The following CDH13 variants were observed in gnomAD, a reference collection of about 807,000 sequenced individuals.
CDH13 encodes cadherin-13.
In CDH13, 24 loss-of-function variants were observed where a neutral mutation model predicts 63.8. That is an observed-to-expected ratio of 0.38 (90% CI 0.27 to 0.53). The LOEUF (loss-of-function observed/expected upper bound fraction) is 0.53, where lower values mean the gene tolerates loss of function less well. Among genes scored for constraint, CDH13 ranks in the 20% least tolerant of loss-of-function variants. CDH13 has a pLI of 0.85. For missense variants in CDH13, 1,049 were observed against 903.1 expected (o/e 1.16, Z -2.07); for synonymous variants, 503 against 355.3 (o/e 1.42, Z -4.67).
rs997974738 is a variant in CDH13, at chr16:82,819,292, G to T, written c.46-39070G>T. Among the ~76,000 whole-genome samples, 74 of 152,176 alleles carry T rather than the reference G, an allele frequency of 4.9e-4. 2 individuals carry two copies. The highest frequency in any genetic ancestry group is 5.9e-5 in the Non-Finnish European group (4 of 68,024). ...AAGGCATATTTCAAGTAACTTTCCA[G>T]ATAAAGGAGGTATTGAACCTTTTCA... On this transcript the variant is annotated intron_variant, in intron 1 of 13. Coordinates refer to ENST00000567109, the MANE Select transcript of CDH13 (RefSeq NM_001257.5).
At chr16:83,207,329 C>G (rs554847759) in intron 4 of CDH13, among the ~76,000 whole-genome samples, 3 of 152,320 alleles carry the variant, frequency 2.0e-5, no homozygotes, top group Admixed American at 6.5e-5. Flanking sequence ...TGGAATCAGA[C>G]AATATCTGTT....
In CDH13 at chr16:83,198,026, A is replaced by T. The variant is rs149363886; in HGVS notation, c.484-19319A>T. Among the ~76,000 whole-genome samples the T allele has an allele frequency of 2.8e-3, 425 of 152,332 alleles. 1 individual carries two copies. In the Middle Eastern group the frequency reaches 0.034, roughly 12 times the overall value. ...AAAGTCAATTAAAATATGTTTATGC[A>T]GTTGTATGCATTTAAAAGACTAGAA... On this transcript the variant is annotated intron_variant, in intron 4 of 13. Transcript: ENST00000567109.
intron 4 of CDH13, among the ~76,000 whole-genome samples, chr16:83,153,646 G>C (rs996526227): frequency 7.9e-5 from 12 of 152,180 alleles, no homozygotes; most frequent in African/African-American, 2.9e-4. Context: ...TGTTTTCACT[G>C]TCTCAGTCAT....
chr16:83,023,846 T>C (rs1915567462), intron 2 of CDH13, among the ~76,000 whole-genome samples: 1 of 152,212 alleles, frequency 6.6e-6, no homozygotes, highest in Non-Finnish European at 1.5e-5. Flanking sequence ...GAATGTAGAG[T>C]CTGTTTTCTC....
At chr16:82,810,227 A>T (rs2037373735) in intron 1 of CDH13, among the ~76,000 whole-genome samples, 1 of 152,204 alleles carries the variant, frequency 6.6e-6, no homozygotes, top group Non-Finnish European at 1.5e-5. Flanking sequence ...CAACAAAAGA[A>T]TAACCTGCAA....
chr16:83,496,750 C>T (rs943377149), intron 7 of CDH13, among the ~76,000 whole-genome samples: 15 of 152,024 alleles, frequency 9.9e-5, no homozygotes, highest in Admixed American at 2.0e-4. Flanking sequence ...AAAATTTTCG[C>T]AACATACTCA....
chr16:82,821,091 C>G (rs725515), intron 1 of CDH13, among the ~76,000 whole-genome samples: 69,497 of 151,864 alleles, frequency 0.46, 17,242 homozygotes, highest in East Asian at 0.9. Flanking sequence ...CCTGTGGAAG[C>G]TTGCAAACTG....
chr16:83,429,953 C>A (rs1372163789), intron 6 of CDH13, among the ~76,000 whole-genome samples: 1 of 152,138 alleles, frequency 6.6e-6, no homozygotes, highest in East Asian at 1.9e-4. Flanking sequence ...CCTCATTTCC[C>A]CTCCCTTCAG....
intron 1 of CDH13, among the ~76,000 whole-genome samples, chr16:82,660,643 T>G (rs1039031757): frequency 6.6e-6 from 1 of 152,168 alleles, no homozygotes; most frequent in African/African-American, 2.4e-5. Flanking sequence ...TTAAGCCCTT[T>G]CACTGTATAC....
chr16:83,389,654 T>G (rs979108664), intron 6 of CDH13, among the ~76,000 whole-genome samples: 3 of 152,264 alleles, frequency 2.0e-5, no homozygotes, highest in African/African-American at 7.2e-5. Context: ...TGGTGTCACA[T>G]AGCTTGTTGC....
chr16:83,056,375 G>A lies in CDH13; in HGVS notation c.366+24157G>A, dbSNP rs112010086. ...AAGTCCAGAATAACACTTTGTAATA[G>A]CTAAAAACTGGAAACAACTCAAAAG... On this transcript the variant is annotated intron_variant, in intron 3 of 13. Transcript: ENST00000567109. Among the ~76,000 whole-genome samples the A allele has an allele frequency of 1.6e-3, 242 of 151,886 alleles. 1 individual carries two copies. Among genetic ancestry groups the A allele is most frequent in the African/African-American group, 5.6e-3 (231 of 41,432 alleles).
At chr16:83,246,319 C>T (rs560701222) in intron 5 of CDH13, among the ~76,000 whole-genome samples, 1 of 152,250 alleles carries the variant, frequency 6.6e-6, no homozygotes, top group South Asian at 2.1e-4. Flanking sequence ...TTATAATTTT[C>T]CCCCTGATTC....
At chr16:83,709,893 A>G (rs987007917) in intron 10 of CDH13, among the ~76,000 whole-genome samples, 2 of 152,158 alleles carry the variant, frequency 1.3e-5, no homozygotes, top group African/African-American at 2.4e-5. Flanking sequence ...ACCTCTCTCT[A>G]GTCATTGGAT....
At chr16:83,181,846 G>C (rs1341755009) in intron 4 of CDH13, among the ~76,000 whole-genome samples, 3 of 152,124 alleles carry the variant, frequency 2.0e-5, no homozygotes, top group African/African-American at 7.2e-5. Flanking sequence ...AGTTTGCATA[G>C]ATTTCCCATG....
chr16:83,009,446 A>G (rs1913890893), intron 2 of CDH13, among the ~76,000 whole-genome samples: 1 of 152,148 alleles, frequency 6.6e-6, no homozygotes, highest in Non-Finnish European at 1.5e-5. Flanking sequence ...TATGTAATGG[A>G]TGCTTTACAT....
At chr16:83,591,126 G>C (rs1906703899) in intron 7 of CDH13, among the ~76,000 whole-genome samples, 2 of 151,746 alleles carry the variant, frequency 1.3e-5, no homozygotes, top group African/African-American at 4.8e-5. Flanking sequence ...GGCCATGCTG[G>C]TCTTGAACTC....
chr16:83,666,773 T>G (rs1325010917), intron 8 of CDH13, among the ~76,000 whole-genome samples: 3 of 152,204 alleles, frequency 2.0e-5, no homozygotes, highest in African/African-American at 7.2e-5. Flanking sequence ...TCAGGGAATT[T>G]TTCCCTGATG....
Position 82,683,254 on chromosome 16 carries a change from A to C in CDH13, c.45+56117A>C, listed in dbSNP as rs1234622583. Among the ~76,000 whole-genome samples, 3 of 152,186 alleles carry C rather than the reference A, an allele frequency of 2.0e-5. No individual in the cohort carries two copies. The South Asian group carries it at 6.2e-4, about 32-fold the overall frequency. ...GTTACCTGTTTGCCCCTTTCTGTCC[A>C]GGTTTGATCTGCAGGAACCTAGCCT... On this transcript the variant is annotated intron_variant, in intron 1 of 13. Transcript: ENST00000567109.
intron 3 of CDH13, among the ~76,000 whole-genome samples, chr16:83,120,270 T>C (rs1251048872): frequency 6.6e-6 from 1 of 152,138 alleles, no homozygotes; most frequent in Non-Finnish European, 1.5e-5. Context: ...AGGAAATGGA[T>C]GGGCAGCTGT....
Sources: gnomAD v4.1 joint callset for allele counts (sites outside exome capture counted in the v4.1 genomes callset) on GRCh38, gnomAD v4.1.1 for gene constraint, MANE v1.5 for transcripts, NCBI Gene and HGNC (gene_info 2026-07-23, HGNC 2026-07-21) for gene names.